ENOPH1: variants seen among roughly 807,000 people sequenced by gnomAD.
The protein encoded by ENOPH1 is enolase-phosphatase 1, also known as enolase-phosphatase E1.
In ENOPH1, 14 loss-of-function variants were observed where a neutral mutation model predicts 31.1. The observed-to-expected ratio is 0.45, with a 90% CI of 0.30 to 0.70. The LOEUF is 0.70. Ranked by LOEUF, ENOPH1 falls within the 30% of genes least tolerant of loss-of-function variation. ENOPH1 has a pLI of 0.09. For synonymous variants in ENOPH1, 127 were observed against 123.2 expected, an observed-to-expected ratio of 1.03 and a Z score of -0.21; for missense variants, 243 against 321.5, an observed-to-expected ratio of 0.76 and a Z score of 1.87.
chr4:82,453,180 G>A (rs1346630850), intron 3 of ENOPH1, among the ~76,000 whole-genome samples: 1 of 152,214 alleles, frequency 6.6e-6, no homozygotes, highest in Non-Finnish European at 1.5e-5. Context: ...GGGATTACAG[G>A]TGTGAGCCAC....
chr4:82,436,897 G>A (rs1560462689), intron 1 of ENOPH1, among the ~76,000 whole-genome samples: 1 of 151,900 alleles, frequency 6.6e-6, no homozygotes, highest in Non-Finnish European at 1.5e-5. Flanking sequence ...ATATGTCATC[G>A]TCGTCATCAT....
intron 1 of ENOPH1, among the ~76,000 whole-genome samples, chr4:82,445,550 G>T (rs1053095166): frequency 3.9e-5 from 6 of 152,114 alleles, no homozygotes; most frequent in Admixed American, 3.9e-4. Flanking sequence ...CAGCCTCCTG[G>T]GGTCAAGTAA....
At chr4:82,452,830 C>A (rs1322202020) in intron 3 of ENOPH1, among the ~76,000 whole-genome samples, 4 of 151,614 alleles carry the variant, frequency 2.6e-5, no homozygotes, top group East Asian at 1.9e-4. Context: ...CAGGGCAGTC[C>A]ACCTACCTTG....
chr4:82,442,357 T>G (rs1466294147), intron 1 of ENOPH1, among the ~76,000 whole-genome samples: 1 of 152,052 alleles, frequency 6.6e-6, no homozygotes, highest in East Asian at 1.9e-4. Context: ...CCATCTCTAC[T>G]AAAAATGCAA....
At chr4:82,431,977 G>C (rs1158933009) in intron 1 of ENOPH1, among the ~76,000 whole-genome samples, 1 of 150,126 alleles carries the variant, frequency 6.7e-6, no homozygotes, top group Admixed American at 6.6e-5. Flanking sequence ...GTGGAGTGGT[G>C]CAATCACAGC....
intron 1 of ENOPH1, 119 bp downstream of exon 1, chr4:82,431,032 T>A: frequency 1.2e-6 from 1 of 846,750 alleles, no homozygotes; most frequent in Non-Finnish European, 1.9e-6. Context: ...GGCTGCCTCT[T>A]GTGTGGAATG....
At chr4:82,457,570 ACT>A (rs1428804426) in intron 5 of ENOPH1, among the ~76,000 whole-genome samples, 1 of 151,790 alleles carries the variant, frequency 6.6e-6, no homozygotes, top group East Asian at 1.9e-4. Flanking sequence ...GAAAAGACTA[ACT>A]CTTCTCGTTT....
intron 2 of ENOPH1, among the ~76,000 whole-genome samples, chr4:82,449,612 G>A (rs761792856): frequency 1.3e-5 from 2 of 152,116 alleles, no homozygotes; most frequent in African/African-American, 4.8e-5. Context: ...AACCATTCAC[G>A]AGAAGTCTAT....
chr4:82,457,010 C>G lies in ENOPH1; in HGVS notation c.618C>G (p.Asn206Lys). ...IADSIGCSTN[N>K]ILFLTDVTRE... is the part of the protein sequence containing the mutation. ...ACAGCATTGGGTGCTCAACCAACAA[C>G]ATTTTGTTTCTGACAGATGTTACTC... The change falls in exon 5 of 6, where the codon AAC becomes AAG. Residue 206 changes from asparagine to lysine, a missense_variant. Coordinates refer to ENST00000273920, the MANE Select transcript of ENOPH1 (RefSeq NM_021204.5). 6.2e-7 allele frequency: 1 copy of G among 1,613,954 alleles called. No individual in the cohort carries two copies. The highest frequency in any genetic ancestry group is 8.5e-7 in the Non-Finnish European group (1 of 1,179,950).
intron 1 of ENOPH1, among the ~76,000 whole-genome samples, chr4:82,434,422 A>G (rs1400964450): frequency 6.6e-6 from 1 of 152,158 alleles, no homozygotes; most frequent in Non-Finnish European, 1.5e-5. Flanking sequence ...AGTCTCTACT[A>G]AAAATACAAA....
At chr4:82,458,948 C>T (rs188889465) in intron 5 of ENOPH1, among the ~76,000 whole-genome samples, 1 of 152,208 alleles carries the variant, frequency 6.6e-6, no homozygotes, top group East Asian at 1.9e-4. Context: ...ACAGCTCAGC[C>T]CCAGTGTGTC....
chr4:82,454,863 C>T lies in ENOPH1; in HGVS notation c.522+9C>T, dbSNP rs1336046583. On this transcript the variant is annotated intron_variant, in intron 4 of 5. Transcript: ENST00000273920. Reference sequence around the variant, plus strand: ...AGGGAGATATTCTTGAGGTAGGTTACCTAGTTTACTTTGTTGTTTTGACGC... The same window carrying T: ...AGGGAGATATTCTTGAGGTAGGTTATCTAGTTTACTTTGTTGTTTTGACGC... 1 of 1,607,582 alleles carries T rather than the reference C, an allele frequency of 6.2e-7. No homozygotes were observed. The highest frequency in any genetic ancestry group is 8.5e-7 in the Non-Finnish European group (1 of 1,178,190).
At chr4:82,432,958 G>C (rs1721813643) in intron 1 of ENOPH1, among the ~76,000 whole-genome samples, 1 of 152,104 alleles carries the variant, frequency 6.6e-6, no homozygotes, top group African/African-American at 2.4e-5. Flanking sequence ...AAAATTTCAG[G>C]ACAAATACTG....
At chr4:82,453,064 G>T (rs1456421272) in intron 3 of ENOPH1, among the ~76,000 whole-genome samples, 1 of 152,008 alleles carries the variant, frequency 6.6e-6, no homozygotes, top group Non-Finnish European at 1.5e-5. Context: ...ACCACGCCCG[G>T]CTAATTTTTT....
chr4:82,451,480 G>A (rs1264567473), intron 3 of ENOPH1, among the ~76,000 whole-genome samples: 1 of 152,228 alleles, frequency 6.6e-6, no homozygotes, highest in Non-Finnish European at 1.5e-5. Context: ...TGAAGGACTT[G>A]TCAAAGTCTC....
chr4:82,459,587 C>T (rs1288530754), intron 5 of ENOPH1, among the ~76,000 whole-genome samples: 1 of 152,022 alleles, frequency 6.6e-6, no homozygotes, highest in Non-Finnish European at 1.5e-5. Context: ...CATTTTAATT[C>T]GTGTTACCAA....
chr4:82,432,385 C>T (rs1290359157), intron 1 of ENOPH1, among the ~76,000 whole-genome samples: 1 of 151,852 alleles, frequency 6.6e-6, no homozygotes, highest in African/African-American at 2.4e-5. Flanking sequence ...CGCTCTGTTG[C>T]CCAGGCTGGA....
chr4:82,445,870 A>G (rs1349654095), intron 1 of ENOPH1, among the ~76,000 whole-genome samples: 1 of 152,222 alleles, frequency 6.6e-6, no homozygotes, highest in Non-Finnish European at 1.5e-5. Context: ...CAGGAACTCT[A>G]AAGTAATCTC....
chr4:82,454,681 T>G lies in ENOPH1; in HGVS notation c.390-41T>G, dbSNP rs767328983. ...TTTGACAGGTTTTTATCTGGCTAGA[T>G]GAGGTGTTCCTGTATTTTAACTTAG... On this transcript the variant is annotated intron_variant, in intron 3 of 5. Coordinates refer to ENST00000273920, the MANE Select transcript of ENOPH1 (RefSeq NM_021204.5). The G allele has an allele frequency of 1.8e-5, 29 of 1,597,968 alleles. No individual in the cohort carries two copies. In the South Asian group the frequency reaches 3.3e-4, roughly 18 times the overall value.
Sources: allele counts gnomAD v4.1 joint callset (sites outside exome capture counted in the v4.1 genomes callset), GRCh38; gene constraint gnomAD v4.1.1; transcripts MANE v1.5; gene names NCBI Gene and HGNC (gene_info 2026-07-23, HGNC 2026-07-21).